Variants in CHD3 observed in about 807,000 individuals in gnomAD.
CHD3 encodes ATP-dependent chromatin remodeler CHD3.
Under a neutral mutation model 248.9 loss-of-function variants are expected in CHD3, and 52 were observed. The ratio of observed to expected loss-of-function variants is 0.21; its 90% CI spans 0.17 to 0.26. The LOEUF (loss-of-function observed/expected upper bound fraction) is 0.26. CHD3 is among the 10% of genes least tolerant of loss of function. The pLI, the probability that CHD3 is intolerant of heterozygous loss-of-function variation, is 1.00. For missense variants in CHD3, 1,482 were observed against 2,605.8 expected (o/e 0.57, Z 9.39); for synonymous variants, 985 against 985.2 (o/e 1.00, Z 0.00).
Position 7,893,579 on chromosome 17 carries a change from T to A in CHD3, c.793+10T>A, listed in dbSNP as rs57946102. On this transcript the variant is annotated intron_variant, in intron 5 of 39. Transcript: ENST00000330494. Reference sequence around the variant, plus strand: ...ACCAAAGAGGGCAAAGGTAGGGAACTCTCTTCCAACAACTGTCATCTCACC... The same window carrying A: ...ACCAAAGAGGGCAAAGGTAGGGAACACTCTTCCAACAACTGTCATCTCACC... 8.1e-3 allele frequency: 12,549 copies of A among 1,546,766 alleles called. 567 individuals are homozygous for A. In the African/African-American group the frequency reaches 0.12, roughly 14 times the overall value.
chr17:7,903,083 C>T lies in CHD3; in HGVS notation c.3495+22C>T, dbSNP rs1245702776. 6.2e-7 allele frequency: 1 copy of T among 1,606,912 alleles called. No homozygotes were observed. The highest frequency in any genetic ancestry group is 1.3e-5 in the African/African-American group (1 of 74,874). ...CCAGGTGGGAACTCGCATCCTAGAA[C>T]CCCTGCACCATTTAGCAAGGAGATG... On this transcript the variant is annotated intron_variant, in intron 22 of 39. Coordinates refer to ENST00000330494, the MANE Select transcript of CHD3 (RefSeq NM_001005273.3). The surrounding 1 kb of genome is among the most constrained non-coding windows in gnomAD (Gnocchi z 6.8).
chr17:7,885,916 G>T (rs74605012), upstream of CHD3, among the ~76,000 whole-genome samples: 4,047 of 152,294 alleles, frequency 0.027, 164 homozygotes, highest in East Asian at 0.2. Flanking sequence ...AGTCCATTCG[G>T]ATTGGGGAGC....
Position 7,903,254 on chromosome 17 carries a change from T to G in CHD3, c.3496-18T>G, listed in dbSNP as rs1567861396. Reference sequence around the variant, plus strand: ...GCCACTCCCCTGACCCACCCGCCACTTTCTCTTGCCCCTGCAGGCCTTTAG... The same window carrying G: ...GCCACTCCCCTGACCCACCCGCCACGTTCTCTTGCCCCTGCAGGCCTTTAG... On this transcript the variant is annotated intron_variant, in intron 22 of 39. Transcript: ENST00000330494. This position sits in a 1 kb window ranked among gnomAD's most constrained non-coding sequence, Gnocchi z 6.8. 1 of 1,611,756 alleles carries G rather than the reference T, an allele frequency of 6.2e-7. No individual in the cohort carries two copies. Among genetic ancestry groups the G allele is most frequent in the Non-Finnish European group, 8.5e-7 (1 of 1,178,388 alleles).
rs920135208 is a variant in CHD3 at position 7,900,935 on chromosome 17, T to C, written c.3062T>C (p.Ile1021Thr). The change falls in exon 19 of 40, where the codon ATC becomes ACC. Residue 1021 changes from isoleucine (I) to threonine (T), a missense_variant. By Grantham distance (89) the Ile-to-Thr change is moderately conservative. Transcript: ENST00000330494. The surrounding 1 kb of genome is among the most constrained non-coding windows in gnomAD (Gnocchi z 6.5). ...GGGNQVSLLNIMMDLKKCCNH... is the reference protein window; with the variant it reads ...GGGNQVSLLNTMMDLKKCCNH... ...GGGAACCAGGTGTCGCTGCTTAATA[T>C]CATGATGGATCTTAAGAAGTGCTGC... 2 of 1,614,186 alleles carry C rather than the reference T, an allele frequency of 1.2e-6. No homozygotes were observed. The highest frequency in any genetic ancestry group is 1.7e-6 in the Non-Finnish European group (2 of 1,180,036).
Position 7,911,770 on chromosome 17 carries a change from A to G in CHD3, c.*185A>G, listed in dbSNP as rs1035303964. ...GGGCCCTTTGTCTTTCTCCACTCCCACACACCTTTCCCACCAAGCCTTGAA... is the reference window on the plus strand; with the variant it reads ...GGGCCCTTTGTCTTTCTCCACTCCCGCACACCTTTCCCACCAAGCCTTGAA... On this transcript the variant is annotated 3_prime_UTR_variant, in exon 40 of 40. Coordinates refer to ENST00000330494, the MANE Select transcript of CHD3 (RefSeq NM_001005273.3). This position sits in a 1 kb window ranked among gnomAD's most constrained non-coding sequence, Gnocchi z 5.4. 1 of 1,502,070 alleles carries G rather than the reference A, an allele frequency of 6.7e-7. No individual in the cohort carries two copies. Among genetic ancestry groups the G allele is most frequent in the Non-Finnish European group, 9.0e-7 (1 of 1,116,194 alleles). The allele number at this position is 1,502,070 out of a possible 1,614,324, so 93.0% of individuals were successfully genotyped here.
Position 7,910,775 on chromosome 17 carries a change from T to C in CHD3, c.5755-72T>C. On this transcript the variant is annotated intron_variant, in intron 38 of 39. Coordinates refer to ENST00000330494, the MANE Select transcript of CHD3 (RefSeq NM_001005273.3). The surrounding 1 kb of genome is among the most constrained non-coding windows in gnomAD (Gnocchi z 4.7). ...AGCAGTTGTGGAGTGTGGCTCATAA[T>C]GTCTCTCCTACAGCTTCTTTCCTCT... 1 of 1,553,260 alleles carries C rather than the reference T, an allele frequency of 6.4e-7. No homozygotes were observed. The highest frequency in any genetic ancestry group is 8.7e-7 in the Non-Finnish European group (1 of 1,151,472).
Position 7,904,420 on chromosome 17 carries a change from C to T in CHD3, c.3895-22C>T, listed in dbSNP as rs146907233. On this transcript the variant is annotated intron_variant, in intron 24 of 39. Transcript: ENST00000330494. The surrounding 1 kb of genome is among the most constrained non-coding windows in gnomAD (Gnocchi z 4.4). ...AGCAAAGAAGGAGACCCCCAGTGTT[C>T]ATTCATTCTGTTGCCCTTCAGATTG... 36 of 1,604,196 alleles carry T rather than the reference C, an allele frequency of 2.2e-5. No individual in the cohort carries two copies. The Middle Eastern group carries it at 5.1e-4, about 23-fold the overall frequency.
chr17:7,894,318 T>C, intron 7 of CHD3, 53 bp downstream of exon 7: 1 of 1,595,020 alleles, frequency 6.3e-7, no homozygotes, highest in African/African-American at 1.3e-5. Context: ...CTCTCATTCT[T>C]ATTTTCAATT....
Position 7,899,184 on chromosome 17 carries a change from C to A in CHD3, c.2325C>A (p.Leu775=). Residue 775 remains leucine, a synonymous_variant, in exon 14 of 40, where the codon CTC becomes CTA. Transcript: ENST00000330494. This position sits in a 1 kb window ranked among gnomAD's most constrained non-coding sequence, Gnocchi z 6.8. ...LGKTIQTIVF[L]YSLYKEGHTK... The stretch of plus-strand genomic sequence containing the variant: ...AGACCATACAAACCATCGTCTTCCT[C>A]TACTCACTCTACAAGGAGGTGCTGG... 1 of 1,613,866 alleles carries A rather than the reference C, an allele frequency of 6.2e-7. No individual in the cohort carries two copies. The highest frequency in any genetic ancestry group is 8.5e-7 in the Non-Finnish European group (1 of 1,179,854).
chr17:7,895,251 C>G lies in CHD3; in HGVS notation c.1504-88C>G. 3 of 1,581,884 alleles carry G rather than the reference C, an allele frequency of 1.9e-6. No individual in the cohort carries two copies. The highest frequency in any genetic ancestry group is 2.6e-6 in the Non-Finnish European group (3 of 1,160,012). ...AGCTTTTCATTTCTCTGCACTCCCCCACCCTTGTGGGACCCCTATCTTCTC... is the reference window on the plus strand; with the variant it reads ...AGCTTTTCATTTCTCTGCACTCCCCGACCCTTGTGGGACCCCTATCTTCTC... On this transcript the variant is annotated intron_variant, in intron 9 of 39. Coordinates refer to ENST00000330494, the MANE Select transcript of CHD3 (RefSeq NM_001005273.3). The surrounding 1 kb of genome is among the most constrained non-coding windows in gnomAD (Gnocchi z 4.9).
At chr17:7,902,751 G>A in intron 21 of CHD3, 24 bp downstream of exon 21, 1 of 1,603,520 alleles carries the variant, frequency 6.2e-7, no homozygotes, top group Non-Finnish European at 8.5e-7. Flanking sequence ...ACTGGTCCCT[G>A]GTGGGTGTGG....
Position 7,900,364 on chromosome 17 carries a change from G to A in CHD3, c.2757G>A (p.Leu919=). ...CAGGAACCCCATTGCAGAATAATCT[G>A]GAGGAGCTCTTCCATCTCCTGAACT... The part of the protein sequence containing the change: ...LLTGTPLQNN[L]EELFHLLNFL... Residue 919 remains leucine (L), a synonymous_variant, in exon 17 of 40, where the codon CTG becomes CTA. Transcript: ENST00000330494. The surrounding 1 kb of genome is among the most constrained non-coding windows in gnomAD (Gnocchi z 6.5). The A allele has an allele frequency of 6.2e-7, 1 of 1,614,140 alleles. No homozygotes were observed. Among genetic ancestry groups the A allele is most frequent in the East Asian group, 2.2e-5 (1 of 44,886 alleles).
Position 7,908,169 on chromosome 17 carries a change from A to G in CHD3, c.5152+150A>G. 1 of 1,071,054 alleles carries G rather than the reference A, an allele frequency of 9.3e-7. No homozygotes were observed. The highest frequency in any genetic ancestry group is 1.3e-6 in the Non-Finnish European group (1 of 746,720). The allele number at this position is 1,071,054 out of a possible 1,614,324, so 66.3% of individuals were successfully genotyped here. A position where few individuals can be genotyped will look rare whatever the true frequency, so the allele number is the denominator to read the frequency against. ...ATGCTGACTCCGATCCTTGCTCTAA[A>G]TCTTTCTTAAGTATCCCTCTTAACT... On this transcript the variant is annotated intron_variant, in intron 34 of 39. Coordinates refer to ENST00000330494, the MANE Select transcript of CHD3 (RefSeq NM_001005273.3). This position sits in a 1 kb window ranked among gnomAD's most constrained non-coding sequence, Gnocchi z 5.8.
At chr17:7,901,121 A>G in intron 19 of CHD3, 123 bp from the exon 20 acceptor site, 1 of 1,514,220 alleles carries the variant, frequency 6.6e-7, no homozygotes. Flanking sequence ...TGGGTGTCTG[A>G]GAACAGGAGG....
Position 7,908,684 on chromosome 17 carries a change from C to T in CHD3, c.5262-13C>T, listed in dbSNP as rs770826179. On this transcript the variant is annotated splice_polypyrimidine_tract_variant and intron_variant, in intron 35 of 39. Transcript: ENST00000330494. The surrounding 1 kb of genome is among the most constrained non-coding windows in gnomAD (Gnocchi z 5.8). ...GTTAAATTCCTTGATGGTTCCTTTTCCTTCATTGGTAGCCATGGCTATGCA... is the reference window on the plus strand; with the variant it reads ...GTTAAATTCCTTGATGGTTCCTTTTTCTTCATTGGTAGCCATGGCTATGCA... 9.3e-6 allele frequency: 15 copies of T among 1,613,912 alleles called. No homozygotes were observed. The highest frequency in any genetic ancestry group is 1.3e-5 in the Non-Finnish European group (15 of 1,179,844).
upstream of CHD3, chr17:7,888,749 C>G (rs1968383606): frequency 7.7e-7 from 1 of 1,295,400 alleles, no homozygotes; most frequent in South Asian, 1.8e-5. Flanking sequence ...CGCGCGCGTG[C>G]TTTTGAGAAG....
Position 7,906,975 on chromosome 17 carries a change from C to G in CHD3, c.4610C>G (p.Thr1537Arg). The G allele has an allele frequency of 6.2e-7, 1 of 1,614,186 alleles. No homozygotes were observed. Among genetic ancestry groups the G allele is most frequent in the Non-Finnish European group, 8.5e-7 (1 of 1,180,030 alleles). The part of the protein sequence containing the change: ...RSSRASSPTK[T>R]SPTTPEASAT... ...TCCAGAGCCTCCTCTCCTACCAAAACGTCTCCCACCACTCCTGAGGCTTCT... is the reference window on the plus strand; with the variant it reads ...TCCAGAGCCTCCTCTCCTACCAAAAGGTCTCCCACCACTCCTGAGGCTTCT... Residue 1537 changes from threonine (T) to arginine (R), a missense_variant, in exon 30 of 40, where the codon ACG (threonine) becomes AGG (arginine). Thr to Arg is a moderately conservative substitution (Grantham distance 71). Coordinates refer to ENST00000330494, the MANE Select transcript of CHD3 (RefSeq NM_001005273.3). This position sits in a 1 kb window ranked among gnomAD's most constrained non-coding sequence, Gnocchi z 5.0.
rs553587846 is a variant in CHD3, at chr17:7,898,082, G to A, written c.2031G>A (p.Lys677=). 79 of 1,614,054 alleles carry A rather than the reference G, an allele frequency of 4.9e-5. No homozygotes were observed. The highest frequency in any genetic ancestry group is 6.6e-5 in the Non-Finnish European group (78 of 1,179,956). ...EMNIPEYEEH[K]QSYWRHRELI... ...ATATCCCTGAATACGAAGAACATAA[G>A]CAAAGCTACTGGAGACACCGGTGAG... is the stretch of plus-strand genomic sequence containing the variant. Residue 677 remains lysine (K), a synonymous_variant, in exon 12 of 40, where the codon AAG becomes AAA. Coordinates refer to ENST00000330494, the MANE Select transcript of CHD3 (RefSeq NM_001005273.3).
rs1971174791 is a variant in CHD3 at position 7,907,790 on chromosome 17, G to C, written c.5026+88G>C. 3 of 1,505,774 alleles carry C rather than the reference G, an allele frequency of 2.0e-6. No individual in the cohort carries two copies. The highest frequency in any genetic ancestry group is 2.6e-5 in the South Asian group (2 of 77,412). 93.3% of individuals were successfully genotyped at this position (1,505,774 alleles called of 1,614,324 possible). ...GGAACCGAATGCTTGGGTCCTGGGC[G>C]GGTAGCTGTTTGAAAGGCCAGTACA... On this transcript the variant is annotated intron_variant, in intron 33 of 39. Coordinates refer to ENST00000330494, the MANE Select transcript of CHD3 (RefSeq NM_001005273.3). The surrounding 1 kb of genome is among the most constrained non-coding windows in gnomAD (Gnocchi z 4.3).
Sources: allele counts gnomAD v4.1 joint callset (sites outside exome capture counted in the v4.1 genomes callset), GRCh38; gene constraint gnomAD v4.1.1; non-coding constraint Gnocchi (gnomAD v3.1); transcripts MANE v1.5; gene names NCBI Gene and HGNC (gene_info 2026-07-23, HGNC 2026-07-21).